The following ZBTB20 variants were observed in gnomAD, a reference collection of about 807,000 sequenced individuals.
ZBTB20 encodes zinc finger and BTB domain-containing protein 20.
Under a neutral mutation model 56.9 loss-of-function variants are expected in ZBTB20, and 9 were observed. The ratio of observed to expected loss-of-function variants is 0.16; its 90% CI spans 0.10 to 0.28. The LOEUF (loss-of-function observed/expected upper bound fraction) is 0.28, where lower values mean the gene tolerates loss of function less well. Among genes scored for constraint, ZBTB20 ranks in the 10% least tolerant of loss-of-function variants. ZBTB20 has a pLI of 1.00. For synonymous variants in ZBTB20, 417 were observed against 420.7 expected, an observed-to-expected ratio of 0.99 and a Z score of 0.11; for missense variants, 655 against 1,003.0, an observed-to-expected ratio of 0.65 and a Z score of 4.69.
At chr3:114,601,834 A>G (rs1287460751) in intron 6 of ZBTB20, among the ~76,000 whole-genome samples, 1 of 152,126 alleles carries the variant, frequency 6.6e-6, no homozygotes, top group Non-Finnish European at 1.5e-5. Flanking sequence ...TGTGAAAGAG[A>G]GTAGTAAAAA....
intron 8 of ZBTB20, 46 bp downstream of exon 8, chr3:114,388,959 A>G (rs1374788964): frequency 6.6e-6 from 1 of 152,120 alleles, no homozygotes; most frequent in East Asian, 1.9e-4. Flanking sequence ...TGTGTATTAA[A>G]CAAAGTGAAC....
intron 1 of ZBTB20, among the ~76,000 whole-genome samples, chr3:115,115,988 A>G (rs2084007623): frequency 6.6e-6 from 1 of 152,024 alleles, no homozygotes; most frequent in African/African-American, 2.4e-5. Context: ...CTTACTTTAT[A>G]ATGTAGTTTA....
At chr3:114,609,583 G>C (rs777295603) in intron 6 of ZBTB20, among the ~76,000 whole-genome samples, 1 of 152,206 alleles carries the variant, frequency 6.6e-6, no homozygotes, top group Non-Finnish European at 1.5e-5. Flanking sequence ...AGATGATGAA[G>C]ACCAAAGTCA....
chr3:114,526,603 A>G (rs888202674), intron 6 of ZBTB20, among the ~76,000 whole-genome samples: 2 of 152,234 alleles, frequency 1.3e-5, no homozygotes, highest in African/African-American at 4.8e-5. Context: ...ACCAGGGATT[A>G]TAATAGAAAC....
At chr3:115,017,553 G>A (rs997786705) in intron 2 of ZBTB20, among the ~76,000 whole-genome samples, 5 of 151,288 alleles carry the variant, frequency 3.3e-5, no homozygotes, top group Non-Finnish European at 5.9e-5. Flanking sequence ...TTTAAAGATG[G>A]CAATTTTTAT....
chr3:114,621,950 T>A (rs1287295697), intron 6 of ZBTB20, among the ~76,000 whole-genome samples: 1 of 152,170 alleles, frequency 6.6e-6, no homozygotes, highest in Admixed American at 6.5e-5. Context: ...CACTTGGAAC[T>A]CCAAGCCTTA....
At chr3:114,865,151 G>A (rs2075713858) in intron 4 of ZBTB20, among the ~76,000 whole-genome samples, 1 of 152,056 alleles carries the variant, frequency 6.6e-6, no homozygotes, top group Non-Finnish European at 1.5e-5. Flanking sequence ...GAAGCATGTG[G>A]CATTTAATAC....
chr3:114,397,996 T>G (rs2086479280), intron 7 of ZBTB20, among the ~76,000 whole-genome samples: 1 of 152,132 alleles, frequency 6.6e-6, no homozygotes, highest in African/African-American at 2.4e-5. Flanking sequence ...ACTGGTTAAC[T>G]TATAGGGTGT....
At chr3:114,865,315 G>T (rs1294810122) in intron 4 of ZBTB20, among the ~76,000 whole-genome samples, 1 of 152,104 alleles carries the variant, frequency 6.6e-6, no homozygotes, top group African/African-American at 2.4e-5. Flanking sequence ...TTTCTCCAGG[G>T]CTCTCGCCTT....
chr3:115,111,788 T>C (rs2083890305), intron 1 of ZBTB20, among the ~76,000 whole-genome samples: 1 of 152,176 alleles, frequency 6.6e-6, no homozygotes, highest in African/African-American at 2.4e-5. Context: ...AGTCAAAATA[T>C]TTATAGCTCA....
intron 5 of ZBTB20, among the ~76,000 whole-genome samples, chr3:114,760,345 A>G (rs1382885021): frequency 1.3e-5 from 2 of 152,204 alleles, no homozygotes; most frequent in Non-Finnish European, 2.9e-5. Flanking sequence ...ACACATCTCA[A>G]CTGAAAACTG....
In ZBTB20 at chr3:114,380,260, T is replaced by A; in HGVS notation, c.156A>T (p.Thr52=). 1 of 1,536,970 alleles carries A rather than the reference T, an allele frequency of 6.5e-7. No individual in the cohort carries two copies. The highest frequency in any genetic ancestry group is 8.7e-7 in the Non-Finnish European group (1 of 1,146,834). Residue 52 remains threonine (T), a synonymous_variant, in exon 10 of 12, where the codon ACA becomes ACT. Transcript: ENST00000675478. Reference sequence around the variant, plus strand: ...GAGCGTGAGAGTTTGTCAGTGAATGTGTTGAGTGGATGAGGGCTGGGTCTG... The same window carrying A: ...GAGCGTGAGAGTTTGTCAGTGAATGAGTTGAGTGGATGAGGGCTGGGTCTG... ...LSPDPALIHS[T]HSLTNSHAHT...
At chr3:114,910,286 C>A (rs2075479945) in intron 3 of ZBTB20, among the ~76,000 whole-genome samples, 1 of 150,974 alleles carries the variant, frequency 6.6e-6, no homozygotes, top group South Asian at 2.1e-4. Flanking sequence ...TATAAACATA[C>A]ACACACACAT....
At chr3:114,561,951 A>G (rs980629045) in intron 6 of ZBTB20, among the ~76,000 whole-genome samples, 2 of 152,130 alleles carry the variant, frequency 1.3e-5, no homozygotes, top group African/African-American at 4.8e-5. Context: ...CAATTATCTT[A>G]GCTAGATCAT....
Position 114,634,902 on chromosome 3 carries a change from C to T in ZBTB20, c.-295+58626G>A, listed in dbSNP as rs191939650. Among the ~76,000 whole-genome samples, 93 of 152,286 alleles carry T rather than the reference C, an allele frequency of 6.1e-4. 1 individual carries two copies. The highest frequency in any genetic ancestry group is 3.4e-3 in the Middle Eastern group (1 of 294). On this transcript the variant is annotated intron_variant, in intron 6 of 11. Transcript: ENST00000675478. ...GTGTACTGACGCACCTGTAGAACTT[C>T]GTTCCCAGGGATGCGTAGGAGCAAA...
At chr3:115,136,471 AGT>A (rs1491277987) in intron 1 of ZBTB20, among the ~76,000 whole-genome samples, 7 of 149,190 alleles carry the variant, frequency 4.7e-5, no homozygotes, top group Non-Finnish European at 1.1e-4. Flanking sequence ...ACTGCAGTTA[AGT>A]GTACTATAAT....
At chr3:114,948,849 T>C (rs1260451680) in intron 3 of ZBTB20, among the ~76,000 whole-genome samples, 1 of 146,230 alleles carries the variant, frequency 6.8e-6, no homozygotes, top group African/African-American at 2.8e-5. Flanking sequence ...TATAATGCAT[T>C]TATAGATTAG....
chr3:114,337,943 A>G lies in ZBTB20; in HGVS notation c.*1062T>C, dbSNP rs932857482. The G allele has an allele frequency of 4.0e-5, 6 of 151,826 alleles. No individual in the cohort carries two copies. Among genetic ancestry groups the G allele is most frequent in the South Asian group, 2.1e-4 (1 of 4,830 alleles). 9.4% of individuals were successfully genotyped at this position (151,826 alleles called of 1,614,324 possible). Reference sequence around the variant, plus strand: ...TTTTTTTACACAAATACTGTTGTAAATATATTAAAAAAATCAGCATTCTAT... The same window carrying G: ...TTTTTTTACACAAATACTGTTGTAAGTATATTAAAAAAATCAGCATTCTAT... On this transcript the variant is annotated 3_prime_UTR_variant, in exon 12 of 12. Coordinates refer to ENST00000675478, the MANE Select transcript of ZBTB20 (RefSeq NM_001348800.3).
At chr3:114,553,553 C>T (rs2050829700) in intron 6 of ZBTB20, among the ~76,000 whole-genome samples, 1 of 152,000 alleles carries the variant, frequency 6.6e-6, no homozygotes, top group African/African-American at 2.4e-5. Context: ...TTATTATTAG[C>T]CAGGTCCAGT....
Sources: gnomAD v4.1 joint callset for allele counts (sites outside exome capture counted in the v4.1 genomes callset) on GRCh38, gnomAD v4.1.1 for gene constraint, MANE v1.5 for transcripts, NCBI Gene and HGNC (gene_info 2026-07-23, HGNC 2026-07-21) for gene names.